SIPA1L3: variants seen among roughly 807,000 people sequenced by gnomAD.
SIPA1L3 encodes the protein signal-induced proliferation-associated 1-like protein 3.
A neutral mutation model predicts 150.1 loss-of-function variants in SIPA1L3; 59 were observed. That is an observed-to-expected ratio of 0.39 (90% CI 0.32 to 0.49). The LOEUF is 0.49. Ranked by LOEUF, SIPA1L3 falls within the 20% of genes least tolerant of loss-of-function variation. SIPA1L3 has a pLI of 0.86. For synonymous variants in SIPA1L3, 1,070 were observed against 1,077.6 expected, an observed-to-expected ratio of 0.99 and a Z score of 0.14; for missense variants, 2,211 against 2,489.5, an observed-to-expected ratio of 0.89 and a Z score of 2.38.
intron 10 of SIPA1L3, among the ~76,000 whole-genome samples, chr19:38,135,948 C>T (rs944261443): frequency 1.3e-5 from 2 of 151,900 alleles, no homozygotes; most frequent in Non-Finnish European, 2.9e-5. Context: ...CCAGCCAGGC[C>T]GCATGGCTTG....
chr19:38,204,345 G>A (rs1199488284), intron 21 of SIPA1L3, 137 bp downstream of exon 21: 9 of 641,254 alleles, frequency 1.4e-5, no homozygotes, highest in Non-Finnish European at 2.2e-5. Context: ...GTAGTCATGG[G>A]TGAAGAGTAA....
chr19:37,952,298 A>G (rs926330674), intron 1 of SIPA1L3, among the ~76,000 whole-genome samples: 1 of 152,182 alleles, frequency 6.6e-6, no homozygotes, highest in African/African-American at 2.4e-5. Context: ...GTCAGTTTGA[A>G]TTGGGTCTCT....
At chr19:38,073,320 C>T (rs1969762698) in intron 2 of SIPA1L3, among the ~76,000 whole-genome samples, 1 of 152,200 alleles carries the variant, frequency 6.6e-6, no homozygotes, top group South Asian at 2.1e-4. Flanking sequence ...ACATGCTTCA[C>T]ATCGCTCTCC....
In SIPA1L3 at chr19:37,949,745, C is replaced by T. The variant is rs951032421; in HGVS notation, c.-379+42387C>T. Among the ~76,000 whole-genome samples, 76 of 152,136 alleles carry T rather than the reference C, an allele frequency of 5.0e-4. 2 individuals are homozygous for T. The highest frequency in any genetic ancestry group is 1.5e-3 in the African/African-American group (61 of 41,518). ...GCTGTCCTGGCCTAGGGTACATTTC[C>T]CTTTTCTCATATGAAGCAACATCAT... On this transcript the variant is annotated intron_variant, in intron 1 of 21. Transcript: ENST00000222345.
In SIPA1L3 at chr19:38,177,360, CA is replaced by C. The variant is rs371696539; in HGVS notation, c.4209-5142del. On this transcript the variant is annotated intron_variant, in intron 15 of 21. Coordinates refer to ENST00000222345, the MANE Select transcript of SIPA1L3 (RefSeq NM_015073.3). ...TGGGTGACAGAGCAAGACTCCATCT[CA>C]AAAAAAAAAAAAAAAATTCTAGTTT... Among the ~76,000 whole-genome samples, 202 of 121,432 alleles carry C rather than the reference CA, an allele frequency of 1.7e-3. 1 individual carries two copies. The highest frequency in any genetic ancestry group is 8.4e-3 in the East Asian group (35 of 4,188). The allele number at this position is 121,432 out of a possible 152,430, so 79.7% of individuals were successfully genotyped here. A position where few individuals can be genotyped will look rare whatever the true frequency, so the allele number is the denominator to read the frequency against.
chr19:37,987,023 G>A (rs936351934), intron 1 of SIPA1L3, among the ~76,000 whole-genome samples: 1 of 152,080 alleles, frequency 6.6e-6, no homozygotes, highest in Non-Finnish European at 1.5e-5. Context: ...TGCCTCCCAG[G>A]TTCAAGCAAT....
chr19:37,927,431 C>T (rs1284020749), intron 1 of SIPA1L3, among the ~76,000 whole-genome samples: 1 of 152,032 alleles, frequency 6.6e-6, no homozygotes, highest in Non-Finnish European at 1.5e-5. Flanking sequence ...GGATTACAGG[C>T]GTGAGCCACT....
intron 1 of SIPA1L3, among the ~76,000 whole-genome samples, chr19:37,928,607 C>A (rs923493260): frequency 6.6e-6 from 1 of 152,126 alleles, no homozygotes; most frequent in Non-Finnish European, 1.5e-5. Flanking sequence ...TAGCAAGGAT[C>A]AGAATCCCCA....
chr19:37,979,284 C>T (rs1167818738), intron 1 of SIPA1L3, among the ~76,000 whole-genome samples: 2 of 152,112 alleles, frequency 1.3e-5, no homozygotes, highest in East Asian at 3.9e-4. Flanking sequence ...CACAGTGGCT[C>T]ACGCCTGTAA....
chr19:37,953,726 CCTGA>C (rs1320987557), intron 1 of SIPA1L3, among the ~76,000 whole-genome samples: 1 of 152,192 alleles, frequency 6.6e-6, no homozygotes, highest in Non-Finnish European at 1.5e-5. Context: ...GGCTGTGAGG[CCTGA>C]CTGACTCCTC....
At chr19:38,077,365 C>T (rs556629945) in intron 2 of SIPA1L3, among the ~76,000 whole-genome samples, 4 of 152,178 alleles carry the variant, frequency 2.6e-5, no homozygotes, top group South Asian at 4.2e-4. Context: ...GCAGGAAGAT[C>T]ACTTGAGCCC....
chr19:38,111,907 A>G (rs1477603865), intron 8 of SIPA1L3, among the ~76,000 whole-genome samples: 1 of 151,878 alleles, frequency 6.6e-6, no homozygotes, highest in African/African-American at 2.4e-5. Context: ...GCACACACAC[A>G]CATGCATGCA....
At chr19:38,108,683 C>T (rs1188758849) in intron 7 of SIPA1L3, 1 of 152,202 alleles carries the variant, frequency 6.6e-6, no homozygotes, top group African/African-American at 2.4e-5. Flanking sequence ...AATGCTAGAA[C>T]TGTGTAAATA....
intron 2 of SIPA1L3, among the ~76,000 whole-genome samples, chr19:38,044,827 CAT>C (rs1969016482): frequency 6.6e-6 from 1 of 152,044 alleles, no homozygotes; most frequent in Non-Finnish European, 1.5e-5. Context: ...GAATCAGAAA[CAT>C]AACCCAGACA....
chr19:38,012,870 G>A lies in SIPA1L3; in HGVS notation c.-378-16219G>A, dbSNP rs1457067755. On this transcript the variant is annotated intron_variant, in intron 1 of 21. Transcript: ENST00000222345. Reference sequence around the variant, plus strand: ...CCTCACAAGGAGGCTGGACCTGCAGGAAGTAAACGAGAGGCCTCTTGTTTG... The same window carrying A: ...CCTCACAAGGAGGCTGGACCTGCAGAAAGTAAACGAGAGGCCTCTTGTTTG... Among the ~76,000 whole-genome samples the A allele has an allele frequency of 2.0e-5, 3 of 152,192 alleles. No individual in the cohort carries two copies. The East Asian group carries it at 5.8e-4, about 29-fold the overall frequency.
chr19:37,943,219 A>G (rs1284430288), intron 1 of SIPA1L3, among the ~76,000 whole-genome samples: 1 of 151,896 alleles, frequency 6.6e-6, no homozygotes, highest in Non-Finnish European at 1.5e-5. Context: ...TAGCCCTCAT[A>G]TGGTAGACTC....
At chr19:38,168,565 G>A (rs528534971) in intron 15 of SIPA1L3, among the ~76,000 whole-genome samples, 116 of 152,204 alleles carry the variant, frequency 7.6e-4, no homozygotes, top group Non-Finnish European at 1.2e-3. Flanking sequence ...AGGGGCCTCA[G>A]GTCTCGATTG....
intron 1 of SIPA1L3, among the ~76,000 whole-genome samples, chr19:37,911,616 C>T (rs1006564187): frequency 5.9e-4 from 90 of 151,562 alleles, no homozygotes; most frequent in African/African-American, 2.1e-3. Context: ...TCACGCCGTT[C>T]TCCTCTGCCT....
At chr19:38,105,301 G>T (rs1016060470) in intron 6 of SIPA1L3, among the ~76,000 whole-genome samples, 1 of 151,756 alleles carries the variant, frequency 6.6e-6, no homozygotes, top group African/African-American at 2.4e-5. Context: ...GGAGGCAGAG[G>T]TTGCAGAGAG....
Sources: allele counts gnomAD v4.1 joint callset (sites outside exome capture counted in the v4.1 genomes callset), GRCh38; gene constraint gnomAD v4.1.1; transcripts MANE v1.5; gene names NCBI Gene and HGNC (gene_info 2026-07-23, HGNC 2026-07-21).